Variants in PLA2R1 observed in about 807,000 individuals in gnomAD.
The protein encoded by PLA2R1 is phospholipase A2 receptor 1, also known as secretory phospholipase A2 receptor.
Under a neutral mutation model 195.9 loss-of-function variants are expected in PLA2R1, and 158 were observed. The ratio of observed to expected loss-of-function variants is 0.81; its 90% CI spans 0.71 to 0.92. The LOEUF is 0.92. Among genes scored for constraint, PLA2R1 ranks in the 40% least tolerant of loss-of-function variants. PLA2R1 has a pLI of 0.00. For missense variants in PLA2R1, 1,626 were observed against 1,764.6 expected (o/e 0.92, Z 1.41); for synonymous variants, 586 against 598.2 (o/e 0.98, Z 0.30).
intron 13 of PLA2R1, 81 bp from the exon 14 acceptor site, chr2:159,979,995 G>A: frequency 1.3e-6 from 1 of 777,508 alleles, no homozygotes; most frequent in South Asian, 1.5e-5. Flanking sequence ...ATACCAGCAT[G>A]GCACATGTAT....
intron 7 of PLA2R1, among the ~76,000 whole-genome samples, chr2:160,022,321 T>C (rs2105474283): frequency 6.6e-6 from 1 of 152,108 alleles, no homozygotes; most frequent in South Asian, 2.1e-4. Context: ...CTTTATTATG[T>C]GGATTACATG....
rs79353520 is a variant in PLA2R1, at chr2:160,051,323, T to A, written c.110-6166A>T. On this transcript the variant is annotated intron_variant, in intron 1 of 29. Transcript: ENST00000283243. Reference sequence around the variant, plus strand: ...TGCAGGCTGCAACCCAATTTCAATCTCCTACCCCAGTCCATAGGTTTGAAA... The same window carrying A: ...TGCAGGCTGCAACCCAATTTCAATCACCTACCCCAGTCCATAGGTTTGAAA... 3.4e-3 allele frequency among the ~76,000 whole-genome samples: 516 copies of A among 152,334 alleles called. 4 individuals carry two copies. The highest frequency in any genetic ancestry group is 0.012 in the African/African-American group (483 of 41,564).
chr2:160,034,818 C>G (rs1339431645), intron 3 of PLA2R1, among the ~76,000 whole-genome samples: 1 of 151,434 alleles, frequency 6.6e-6, no homozygotes, highest in Non-Finnish European at 1.5e-5. Flanking sequence ...CCTGTAATCC[C>G]AGCCCTTTGG....
At chr2:159,995,910 T>C (rs2105355453) in intron 11 of PLA2R1, among the ~76,000 whole-genome samples, 1 of 152,132 alleles carries the variant, frequency 6.6e-6, no homozygotes, top group East Asian at 1.9e-4. Context: ...CAAGGACACA[T>C]CACAGTCACC....
intron 10 of PLA2R1, among the ~76,000 whole-genome samples, chr2:160,009,545 G>GC (rs1196218493): frequency 2.6e-5 from 4 of 152,148 alleles, no homozygotes; most frequent in African/African-American, 9.7e-5. Context: ...AGAATAGGCA[G>GC]CTATTGTTTA....
chr2:160,034,845 G>T (rs1573942312), intron 3 of PLA2R1, among the ~76,000 whole-genome samples: 1 of 128,170 alleles, frequency 7.8e-6, no homozygotes, highest in African/African-American at 2.5e-5. Flanking sequence ...GAGGCGGGTG[G>T]ATTGCTTGAG....
intron 1 of PLA2R1, among the ~76,000 whole-genome samples, chr2:160,049,900 G>T (rs1398015244): frequency 1.3e-5 from 2 of 152,110 alleles, no homozygotes; most frequent in Non-Finnish European, 2.9e-5. Flanking sequence ...ACAAGTGGGA[G>T]ATGAACAATG....
intron 6 of PLA2R1, among the ~76,000 whole-genome samples, chr2:160,025,993 A>T (rs1693500523): frequency 6.6e-6 from 1 of 152,180 alleles, no homozygotes; most frequent in Non-Finnish European, 1.5e-5. Flanking sequence ...ATTTTTGATA[A>T]ATGAGCAGAC....
chr2:159,970,869 G>A (rs569471744), intron 17 of PLA2R1, among the ~76,000 whole-genome samples: 23 of 147,382 alleles, frequency 1.6e-4, no homozygotes, highest in South Asian at 1.3e-3. Context: ...ACCAAACACC[G>A]CATGTTCTCA....
downstream of PLA2R1, among the ~76,000 whole-genome samples, chr2:159,927,671 C>T (rs577779849): frequency 8.5e-5 from 13 of 152,308 alleles, no homozygotes; most frequent in South Asian, 2.3e-3. Context: ...ATCTCACCTT[C>T]CCAGGTATCT....
In PLA2R1 at chr2:159,979,890, A is replaced by G. The variant is rs1298366474; in HGVS notation, c.2208T>C (p.Ile736=). The G allele has an allele frequency of 6.2e-7, 1 of 1,606,102 alleles. No individual in the cohort carries two copies. Among genetic ancestry groups the G allele is most frequent in the African/African-American group, 1.3e-5 (1 of 74,720 alleles). ...TCAGTGGGTTTCTTTTATTAAATCC[A>G]ATCCAGAACTGCCTTTCTTCTGTCC... ...FNWTEERQFW[I]GFNKRNPLNA... The change falls in exon 14 of 30, where the codon ATT becomes ATC. Residue 736 remains isoleucine (I), a synonymous_variant. Coordinates refer to ENST00000283243, the MANE Select transcript of PLA2R1 (RefSeq NM_007366.5).
At chr2:160,028,556 C>G (rs951845330) in intron 5 of PLA2R1, among the ~76,000 whole-genome samples, 195 bp from the exon 6 acceptor site, 2 of 152,140 alleles carry the variant, frequency 1.3e-5, no homozygotes, top group African/African-American at 4.8e-5. Flanking sequence ...TTCCAAAAGA[C>G]CCACTTTTAT....
At chr2:159,989,098 A>C (rs1468389682) in intron 11 of PLA2R1, among the ~76,000 whole-genome samples, 1 of 152,216 alleles carries the variant, frequency 6.6e-6, no homozygotes, top group Admixed American at 6.5e-5. Flanking sequence ...CACATAGAAG[A>C]AAAGAAAGTC....
Position 159,949,603 on chromosome 2 carries a change from C to A in PLA2R1, c.3709+5G>T. ...TATTTTTGAGTTGAATAGAATTGAA[C>A]CTACCAGGTGGCACATGACAAATGG... On this transcript the variant is annotated splice_donor_5th_base_variant and intron_variant, in intron 25 of 29. Transcript: ENST00000283243. 1 of 1,609,328 alleles carries A rather than the reference C, an allele frequency of 6.2e-7. No individual in the cohort carries two copies. The highest frequency in any genetic ancestry group is 2.2e-5 in the East Asian group (1 of 44,836).
In PLA2R1 at chr2:159,940,776, C is replaced by T. The variant is rs930779299; in HGVS notation, c.*1002G>A. The T allele has an allele frequency of 2.0e-5, 3 of 152,012 alleles. No individual in the cohort carries two copies. The highest frequency in any genetic ancestry group is 4.8e-5 in the African/African-American group (2 of 41,386). 9.4% of individuals were successfully genotyped at this position (152,012 alleles called of 1,614,324 possible). ...AGAAAATAGTTTATTAAATAGAACA[C>T]CTAAACTCATTTACATAATAAAGAT... On this transcript the variant is annotated 3_prime_UTR_variant, in exon 30 of 30. Coordinates refer to ENST00000283243, the MANE Select transcript of PLA2R1 (RefSeq NM_007366.5).
intron 17 of PLA2R1, among the ~76,000 whole-genome samples, chr2:159,971,351 A>G (rs1420219354): frequency 2.0e-5 from 3 of 152,200 alleles, no homozygotes; most frequent in Non-Finnish European, 2.9e-5. Flanking sequence ...AACAACAACA[A>G]CAAAAAGAAA....
rs1021526787 is a variant in PLA2R1, at chr2:159,949,615, C to T, written c.3702G>A (p.Val1234=). 12 of 1,612,896 alleles carry T rather than the reference C, an allele frequency of 7.4e-6. No homozygotes were observed. The Admixed American group carries it at 1.2e-4, about 16-fold the overall frequency. Residue 1234 remains valine (V), a synonymous_variant, in exon 25 of 30, where the codon GTG becomes GTA. Transcript: ENST00000283243. The part of the protein sequence containing the change: ...ESFLQGAICH[V]PPETRQSEHP... Reference sequence around the variant, plus strand: ...GAATAGAATTGAACCTACCAGGTGGCACATGACAAATGGCACCTTGCAGAA... The same window carrying T: ...GAATAGAATTGAACCTACCAGGTGGTACATGACAAATGGCACCTTGCAGAA...
At chr2:160,055,916 C>T (rs2105698938) in intron 1 of PLA2R1, among the ~76,000 whole-genome samples, 1 of 152,298 alleles carries the variant, frequency 6.6e-6, no homozygotes, top group African/African-American at 2.4e-5. Flanking sequence ...CCCACTGCCG[C>T]CTCCAGGTAG....
At chr2:159,931,412 C>T (rs886414442), downstream of PLA2R1, among the ~76,000 whole-genome samples, 5 of 152,044 alleles carry the variant, frequency 3.3e-5, no homozygotes, top group South Asian at 2.1e-4. Context: ...TATGTGCCTG[C>T]GGGCCCAGCT....
Sources: allele counts gnomAD v4.1 joint callset (sites outside exome capture counted in the v4.1 genomes callset), GRCh38; gene constraint gnomAD v4.1.1; transcripts MANE v1.5; gene names NCBI Gene and HGNC (gene_info 2026-07-23, HGNC 2026-07-21).